Variants in TLK1 observed in about 807,000 individuals in gnomAD.
TLK1 encodes the protein tousled like kinase 1, also known as serine/threonine-protein kinase tousled-like 1.
In TLK1, 24 loss-of-function variants were observed where a neutral mutation model predicts 105.3. That is an observed-to-expected ratio of 0.23 (90% CI 0.17 to 0.32). The LOEUF is 0.32. TLK1 is among the 10% of genes least tolerant of loss of function. The probability of loss-of-function intolerance (pLI) is 1.00; values close to 1 mark genes in which losing one functional copy is unlikely to be tolerated. For synonymous variants in TLK1, 321 were observed against 310.4 expected, an observed-to-expected ratio of 1.03 and a Z score of -0.36; for missense variants, 558 against 910.5, an observed-to-expected ratio of 0.61 and a Z score of 4.98.
intron 3 of TLK1, among the ~76,000 whole-genome samples, chr2:171,075,918 T>G (rs1207933226): frequency 6.6e-6 from 1 of 152,096 alleles, no homozygotes; most frequent in Non-Finnish European, 1.5e-5. Context: ...GTAGTAAGAA[T>G]ATTAAGAGGT....
chr2:171,207,310 A>G (rs1485196612), intron 1 of TLK1, among the ~76,000 whole-genome samples: 1 of 152,282 alleles, frequency 6.6e-6, no homozygotes, highest in Non-Finnish European at 1.5e-5. Flanking sequence ...TACACACTGT[A>G]TGATTCCAAC....
chr2:171,119,193 T>A (rs1460034453), intron 1 of TLK1, among the ~76,000 whole-genome samples: 1 of 152,256 alleles, frequency 6.6e-6, no homozygotes. Flanking sequence ...AATTCTTCCC[T>A]TAAACTGGTT....
At chr2:171,115,800 A>C (rs1034084126) in intron 2 of TLK1, among the ~76,000 whole-genome samples, 41 of 152,220 alleles carry the variant, frequency 2.7e-4, no homozygotes, top group Non-Finnish European at 2.2e-4. Flanking sequence ...AAGAAAACAC[A>C]GTAAGGACTG....
At position 171,115,726 on chromosome 2, in the gene TLK1, A is replaced by G. The variant is rs146344753; in HGVS notation, c.258+2013T>C. Among the ~76,000 whole-genome samples the G allele has an allele frequency of 2.1e-3, 316 of 152,322 alleles. 1 individual carries two copies. The highest frequency in any genetic ancestry group is 4.9e-4 in the Non-Finnish European group (33 of 68,016). On this transcript the variant is annotated intron_variant, in intron 2 of 20. Coordinates refer to ENST00000431350, the MANE Select transcript of TLK1 (RefSeq NM_012290.5). ...AAATCTCACATAATCAGGTAACATA[A>G]TGCTAGACGAATTTTCTCAAATTCA...
At chr2:171,214,628 G>T (rs1393010150) in intron 1 of TLK1, among the ~76,000 whole-genome samples, 1 of 152,192 alleles carries the variant, frequency 6.6e-6, no homozygotes, top group Non-Finnish European at 1.5e-5. Context: ...CTGCAGTGAG[G>T]CTGAAAAATT....
intron 1 of TLK1, among the ~76,000 whole-genome samples, chr2:171,148,916 T>A (rs1231140276): frequency 3.4e-5 from 5 of 146,870 alleles, no homozygotes; most frequent in African/African-American, 1.3e-4. Context: ...TATATATGTG[T>A]GTGTGTGTGT....
At chr2:171,074,192 C>T (rs758591824) in intron 3 of TLK1, among the ~76,000 whole-genome samples, 1 of 152,174 alleles carries the variant, frequency 6.6e-6, no homozygotes, top group Non-Finnish European at 1.5e-5. Flanking sequence ...CTCCCGGCCA[C>T]ATTCCCCATT....
chr2:171,082,727 C>A, intron 3 of TLK1, 54 bp downstream of exon 3: 2 of 1,333,222 alleles, frequency 1.5e-6, no homozygotes, highest in East Asian at 2.3e-5. Context: ...CTAATTAAAA[C>A]GGTGATTCCA....
intron 12 of TLK1, among the ~76,000 whole-genome samples, chr2:171,021,938 A>C (rs115056217): frequency 0.048 from 7,291 of 152,060 alleles, 232 homozygotes; most frequent in Middle Eastern, 0.071. Flanking sequence ...TTTCTACTAA[A>C]AAATATATAT....
rs1294388661 is a variant in TLK1, at chr2:171,023,272, A to G, written c.1236+5067T>C. 14 of 449,516 alleles carry G rather than the reference A, an allele frequency of 3.1e-5. No homozygotes were observed. In the East Asian group the frequency reaches 9.1e-4, roughly 29 times the overall value. The allele number at this position is 449,516 out of a possible 1,614,324, so 27.8% of individuals were successfully genotyped here. On this transcript the variant is annotated intron_variant, in intron 12 of 20. Coordinates refer to ENST00000431350, the MANE Select transcript of TLK1 (RefSeq NM_012290.5). ...GAGATGACTGTAAATTGTTTAGCTG[A>G]TTCCTTCGGTCTGCAAAGATACATT... is the stretch of plus-strand genomic sequence containing the variant.
At chr2:171,192,558 T>C (rs1192724288) in intron 1 of TLK1, among the ~76,000 whole-genome samples, 3 of 152,100 alleles carry the variant, frequency 2.0e-5, no homozygotes, top group Admixed American at 6.6e-5. Flanking sequence ...CACGTGCCTG[T>C]AGTCCCAGCT....
At chr2:171,191,093 G>C (rs537221279) in intron 1 of TLK1, among the ~76,000 whole-genome samples, 10 of 152,076 alleles carry the variant, frequency 6.6e-5, no homozygotes, top group African/African-American at 9.6e-5. Flanking sequence ...CCAGGAGGTG[G>C]AGGTTGCAAT....
intron 1 of TLK1, among the ~76,000 whole-genome samples, chr2:171,138,567 C>T (rs1691436876): frequency 6.6e-6 from 1 of 152,146 alleles, no homozygotes; most frequent in African/African-American, 2.4e-5. Flanking sequence ...AAAACTATCA[C>T]ACTCCTTGTA....
intron 1 of TLK1, among the ~76,000 whole-genome samples, chr2:171,166,596 G>A (rs1053850128): frequency 6.6e-6 from 1 of 152,182 alleles, no homozygotes; most frequent in African/African-American, 2.4e-5. Context: ...CAAATTATCT[G>A]AGCATCCTGC....
chr2:171,047,606 G>A (rs1259404253), intron 10 of TLK1, among the ~76,000 whole-genome samples: 1 of 152,060 alleles, frequency 6.6e-6, no homozygotes, highest in East Asian at 1.9e-4. Flanking sequence ...ACTTTAATCC[G>A]GTTTTCATTT....
chr2:171,098,362 A>C (rs1209166320), intron 2 of TLK1, among the ~76,000 whole-genome samples: 2 of 152,202 alleles, frequency 1.3e-5, no homozygotes, highest in Non-Finnish European at 2.9e-5. Context: ...TACACCTCAC[A>C]TATATATAAT....
chr2:171,097,756 T>C (rs1689509341), intron 2 of TLK1, among the ~76,000 whole-genome samples: 1 of 152,138 alleles, frequency 6.6e-6, no homozygotes, highest in African/African-American at 2.4e-5. Context: ...AAATGACATC[T>C]CTACTAAAAA....
chr2:171,145,482 C>T (rs1030136951), intron 1 of TLK1, among the ~76,000 whole-genome samples: 18 of 148,306 alleles, frequency 1.2e-4, no homozygotes, highest in Admixed American at 3.4e-4. Context: ...CCCGGCTACT[C>T]GGGAGGCTGA....
intron 1 of TLK1, among the ~76,000 whole-genome samples, chr2:171,149,097 TTC>T (rs1211384266): frequency 4.4e-5 from 6 of 136,908 alleles, no homozygotes; most frequent in Non-Finnish European, 4.7e-5. Context: ...TGAATTACTT[TTC>T]TTTTTTTTTT....
Sources: gnomAD v4.1 joint callset for allele counts (sites outside exome capture counted in the v4.1 genomes callset) on GRCh38, gnomAD v4.1.1 for gene constraint, MANE v1.5 for transcripts, NCBI Gene and HGNC (gene_info 2026-07-23, HGNC 2026-07-21) for gene names.